The following PCDHGB4 variants were observed in gnomAD, a reference collection of about 807,000 sequenced individuals.
PCDHGB4 encodes protocadherin gamma-B4.
PCDHGB4 carries 38 observed loss-of-function variants against 60.5 expected under a neutral mutation model. The ratio of observed to expected loss-of-function variants is 0.63; its 90% CI spans 0.48 to 0.82. PCDHGB4 has a LOEUF of 0.82. Ranked by LOEUF, PCDHGB4 falls within the 40% of genes least tolerant of loss-of-function variation. The probability of loss-of-function intolerance (pLI) is 0.00; values close to 1 mark genes in which losing one functional copy is unlikely to be tolerated. For missense variants in PCDHGB4, 1,109 were observed against 1,209.6 expected (o/e 0.92, Z 1.23); for synonymous variants, 456 against 509.7 (o/e 0.89, Z 1.42).
At chr5:141,445,538 G>A (rs1188324168) in intron 1 of PCDHGB4, among the ~76,000 whole-genome samples, 1 of 152,168 alleles carries the variant, frequency 6.6e-6, no homozygotes, top group African/African-American at 2.4e-5. Flanking sequence ...AGCCAACAAG[G>A]AGAAATACAA....
chr5:141,505,317 G>A, intron 2 of PCDHGB4, 76 bp from the exon 3 acceptor site: 1 of 1,603,092 alleles, frequency 6.2e-7, no homozygotes, highest in Non-Finnish European at 8.5e-7. Flanking sequence ...AGGTTTGGGA[G>A]CCCTGGGAGA....
intron 1 of PCDHGB4, chr5:141,398,707 C>G (rs1257471989): frequency 6.8e-6 from 11 of 1,613,742 alleles, no homozygotes; most frequent in African/African-American, 1.3e-5. Context: ...ATACCCGGAA[C>G]TGGCACTGGA....
At position 141,388,424 on chromosome 5, in the gene PCDHGB4, G is replaced by A. The variant is rs77505166; in HGVS notation, c.540G>A (p.Leu180=). ...YQLSPSDHFS[L]INKEKSDGSK... is the part of the protein sequence containing the mutation. ...TCAGTCCCAGTGATCATTTCTCACT[G>A]ATAAATAAAGAGAAATCAGATGGCA... Residue 180 remains leucine (L), a synonymous_variant, in exon 1 of 4, where the codon CTG becomes CTA. Transcript: ENST00000519479. 0.048 allele frequency: 76,970 copies of A among 1,613,794 alleles called. 2,026 individuals carry two copies. The highest frequency in any genetic ancestry group is 0.077 in the South Asian group (7,015 of 91,080).
intron 1 of PCDHGB4, among the ~76,000 whole-genome samples, chr5:141,425,025 T>C (rs1416166875): frequency 1.3e-5 from 2 of 152,236 alleles, no homozygotes; most frequent in Non-Finnish European, 2.9e-5. Flanking sequence ...ATTTACCTTA[T>C]GTCATTAGTT....
intron 2 of PCDHGB4, among the ~76,000 whole-genome samples, chr5:141,500,877 AT>A (rs369345007): frequency 5.2e-4 from 64 of 122,250 alleles, no homozygotes; most frequent in Admixed American, 1.0e-3. Context: ...TTCATTTACA[AT>A]TTTTTTTTTT....
chr5:141,432,997 G>A lies in PCDHGB4; in HGVS notation c.2397+42716G>A, dbSNP rs778828769. ...CGCACTTTGTGGGCGTGGACGGGGT[G>A]CAGGCTTTCCTGCAGACCTATTCCC... is the stretch of plus-strand genomic sequence containing the variant. On this transcript the variant is annotated intron_variant, in intron 1 of 3. Coordinates refer to ENST00000519479, the MANE Select transcript of PCDHGB4 (RefSeq NM_003736.4). This position sits in a 1 kb window ranked among gnomAD's most constrained non-coding sequence, Gnocchi z 6.0. 5 of 1,614,082 alleles carry A rather than the reference G, an allele frequency of 3.1e-6. No homozygotes were observed. In the Admixed American group the frequency reaches 8.3e-5, roughly 27 times the overall value.
At chr5:141,463,417 G>A (rs548514637) in intron 1 of PCDHGB4, among the ~76,000 whole-genome samples, 1 of 146,650 alleles carries the variant, frequency 6.8e-6, no homozygotes, top group South Asian at 2.2e-4. Context: ...ATCCTAGTTT[G>A]CGGATCCTCA....
chr5:141,428,331 G>A, intron 1 of PCDHGB4: 2 of 625,576 alleles, frequency 3.2e-6, no homozygotes, highest in East Asian at 2.9e-5. Context: ...TGATTTCTAT[G>A]CTCTTCTTCC....
chr5:141,404,596 G>A, intron 1 of PCDHGB4: 1 of 1,614,080 alleles, frequency 6.2e-7, no homozygotes, highest in Non-Finnish European at 8.5e-7. Context: ...ATGTGTCATT[G>A]AGACTGTTTG....
chr5:141,480,152 C>G (rs2099513323), intron 1 of PCDHGB4, among the ~76,000 whole-genome samples: 1 of 151,928 alleles, frequency 6.6e-6, no homozygotes, highest in African/African-American at 2.4e-5. Context: ...TAGCCAGCTC[C>G]TAGCATTTTG....
chr5:141,419,435 C>T, intron 1 of PCDHGB4: 1 of 1,613,226 alleles, frequency 6.2e-7, no homozygotes, highest in Non-Finnish European at 8.5e-7. Context: ...CGAGCAGCTG[C>T]GCACCTTCGA....
intron 1 of PCDHGB4, among the ~76,000 whole-genome samples, chr5:141,456,363 G>A (rs1233146015): frequency 6.6e-6 from 1 of 152,098 alleles, no homozygotes; most frequent in African/African-American, 2.4e-5. Flanking sequence ...GTCCATGTGT[G>A]GTTCAGTTTA....
rs369794418 is a variant in PCDHGB4, at chr5:141,497,143, G to A, written c.2456+2278G>A. Among the ~76,000 whole-genome samples the A allele has an allele frequency of 7.3e-5, 11 of 150,108 alleles. No individual in the cohort carries two copies. In the East Asian group the frequency reaches 1.6e-3, roughly 21 times the overall value. On this transcript the variant is annotated intron_variant, in intron 2 of 3. Coordinates refer to ENST00000519479, the MANE Select transcript of PCDHGB4 (RefSeq NM_003736.4). ...AGAGGTTGCAGTGAGCTGAGATCAC[G>A]AAAAAAAAATAATCTAGCCACAAAT...
intron 1 of PCDHGB4, among the ~76,000 whole-genome samples, chr5:141,420,624 CTCAA>C (rs1561789527): frequency 1.3e-5 from 2 of 152,278 alleles, no homozygotes; most frequent in Admixed American, 1.3e-4. Context: ...TCTTCATTTA[CTCAA>C]TAAAGGAACC....
intron 1 of PCDHGB4, among the ~76,000 whole-genome samples, chr5:141,467,727 T>C (rs1562013145): frequency 6.6e-6 from 1 of 152,046 alleles, no homozygotes; most frequent in African/African-American, 2.4e-5. Flanking sequence ...AGTGGCACAA[T>C]CCCAGCTCGC....
chr5:141,460,834 A>G (rs757757290), intron 1 of PCDHGB4, among the ~76,000 whole-genome samples: 11 of 151,874 alleles, frequency 7.2e-5, no homozygotes, highest in Non-Finnish European at 1.3e-4. Context: ...CACTTAAAGT[A>G]ATGGCCTCCA....
At chr5:141,472,010 C>T (rs1305786275) in intron 1 of PCDHGB4, among the ~76,000 whole-genome samples, 1 of 151,978 alleles carries the variant, frequency 6.6e-6, no homozygotes, top group Non-Finnish European at 1.5e-5. Flanking sequence ...CGTATAGGGG[C>T]ACTATATTGT....
rs2099396190 is a variant in PCDHGB4 at position 141,476,685 on chromosome 5, G to A, written c.2398-18122G>A. On this transcript the variant is annotated intron_variant, in intron 1 of 3. Coordinates refer to ENST00000519479, the MANE Select transcript of PCDHGB4 (RefSeq NM_003736.4). This position sits in a 1 kb window ranked among gnomAD's most constrained non-coding sequence, Gnocchi z 7.6. ...CTTCGCGTGCAGACGCGGGAGGACA[G>A]CACCAAGTACGCGGAGCTGGTGTTG... 3.1e-6 allele frequency: 5 copies of A among 1,614,102 alleles called. No homozygotes were observed.
At chr5:141,413,270 C>T (rs2095621736) in intron 1 of PCDHGB4, 5 of 1,613,924 alleles carry the variant, frequency 3.1e-6, no homozygotes, top group Non-Finnish European at 4.2e-6. Flanking sequence ...GAGGCTGGAG[C>T]CCGGCAGATC....
Sources: gnomAD v4.1 joint callset for allele counts (sites outside exome capture counted in the v4.1 genomes callset) on GRCh38, gnomAD v4.1.1 for gene constraint, Gnocchi (gnomAD v3.1) non-coding constraint, MANE v1.5 for transcripts, NCBI Gene and HGNC (gene_info 2026-07-23, HGNC 2026-07-21) for gene names.